ADCY8: variants seen among roughly 807,000 people sequenced by gnomAD.
ADCY8 encodes the protein adenylate cyclase type 8.
Under a neutral mutation model 119.7 loss-of-function variants are expected in ADCY8, and 51 were observed. The ratio of observed to expected loss-of-function variants is 0.43; its 90% CI spans 0.34 to 0.54. ADCY8 has a LOEUF of 0.54. Among genes scored for constraint, ADCY8 ranks in the 20% least tolerant of loss-of-function variants. ADCY8 has a pLI of 0.03. For missense variants in ADCY8, 1,383 were observed against 1,598.8 expected (o/e 0.87, Z 2.30); for synonymous variants, 665 against 651.0 (o/e 1.02, Z -0.33).
intron 8 of ADCY8, among the ~76,000 whole-genome samples, chr8:130,876,154 G>A (rs1314421907): frequency 6.6e-6 from 1 of 151,952 alleles, no homozygotes; most frequent in African/African-American, 2.4e-5. Context: ...AGGTTCAAGC[G>A]ATTCTTGTGC....
At position 130,907,502 on chromosome 8, in the gene ADCY8, A is replaced by G. The variant is rs114543104; in HGVS notation, c.1640+2206T>C. 8.1e-3 allele frequency among the ~76,000 whole-genome samples: 1,236 copies of G among 152,336 alleles called. 9 individuals are homozygous for G. The highest frequency in any genetic ancestry group is 0.028 in the African/African-American group (1,174 of 41,570). On this transcript the variant is annotated intron_variant, in intron 6 of 17. Transcript: ENST00000286355. ...AGAAGACTAGACTACGTGCTTTATAAGCACTATCATATTTGAAACTACATT... is the reference window on the plus strand; with the variant it reads ...AGAAGACTAGACTACGTGCTTTATAGGCACTATCATATTTGAAACTACATT...
chr8:130,889,115 T>C (rs1819094296), intron 7 of ADCY8, among the ~76,000 whole-genome samples: 1 of 152,134 alleles, frequency 6.6e-6, no homozygotes, highest in African/African-American at 2.4e-5. Flanking sequence ...ATTCACTCTT[T>C]CTCAAAAATG....
intron 1 of ADCY8, among the ~76,000 whole-genome samples, chr8:130,992,884 C>T (rs559489560): frequency 6.6e-6 from 1 of 152,184 alleles, no homozygotes; most frequent in African/African-American, 2.4e-5. Context: ...TATAAAGATA[C>T]ATATTTACAC....
chr8:130,830,176 C>T (rs1205762264), intron 12 of ADCY8, among the ~76,000 whole-genome samples: 1 of 152,050 alleles, frequency 6.6e-6, no homozygotes, highest in Non-Finnish European at 1.5e-5. Context: ...GAAAAGCAGC[C>T]CCAAATTATT....
chr8:130,926,514 C>T (rs149876984), intron 5 of ADCY8, among the ~76,000 whole-genome samples: 166 of 152,120 alleles, frequency 1.1e-3, no homozygotes, highest in African/African-American at 3.6e-3. Flanking sequence ...GCATACCACA[C>T]GAAGATTTGA....
chr8:130,804,758 G>GT (rs1483007468), intron 14 of ADCY8, among the ~76,000 whole-genome samples: 2 of 152,020 alleles, frequency 1.3e-5, no homozygotes, highest in Non-Finnish European at 2.9e-5. Context: ...TTTTGTTTTT[G>GT]TTTTTTGAGA....
At chr8:130,973,505 C>T (rs1051932360) in intron 2 of ADCY8, among the ~76,000 whole-genome samples, 3 of 152,244 alleles carry the variant, frequency 2.0e-5, no homozygotes, top group African/African-American at 7.2e-5. Flanking sequence ...TTCCAAAATA[C>T]TAGGCATGTG....
intron 15 of ADCY8, among the ~76,000 whole-genome samples, chr8:130,794,448 G>A (rs1012297922): frequency 4.6e-5 from 7 of 152,122 alleles, no homozygotes; most frequent in African/African-American, 1.7e-4. Context: ...GTTTCACTAT[G>A]TTGGCCAGAC....
intron 15 of ADCY8, among the ~76,000 whole-genome samples, chr8:130,786,196 T>TCCTGGAGC (rs1815243991): frequency 6.6e-6 from 1 of 152,232 alleles, no homozygotes; most frequent in African/African-American, 2.4e-5. Flanking sequence ...AATGTAATAT[T>TCCTGGAGC]CCTGGAGCAT....
At chr8:130,908,506 G>A (rs541124951) in intron 6 of ADCY8, among the ~76,000 whole-genome samples, 1 of 149,804 alleles carries the variant, frequency 6.7e-6, no homozygotes, top group South Asian at 2.1e-4. Context: ...TCCCTGCACA[G>A]TGTACAAAAA....
chr8:130,862,329 A>G (rs1179523863), intron 9 of ADCY8, among the ~76,000 whole-genome samples: 1 of 152,138 alleles, frequency 6.6e-6, no homozygotes, highest in Non-Finnish European at 1.5e-5. Context: ...TATGCATTTA[A>G]TGTAAATTTT....
intron 7 of ADCY8, among the ~76,000 whole-genome samples, chr8:130,888,052 A>T (rs1319991432): frequency 6.6e-6 from 1 of 152,140 alleles, no homozygotes; most frequent in African/African-American, 2.4e-5. Flanking sequence ...TAAAAATAGC[A>T]TAAGCTTCCA....
At chr8:131,021,897 T>C (rs1160654995) in intron 1 of ADCY8, among the ~76,000 whole-genome samples, 2 of 152,186 alleles carry the variant, frequency 1.3e-5, no homozygotes, top group African/African-American at 4.8e-5. Context: ...ACAACAAGTG[T>C]GTCCTCAAAT....
At chr8:130,883,917 T>C (rs1169017714) in intron 8 of ADCY8, among the ~76,000 whole-genome samples, 1 of 152,192 alleles carries the variant, frequency 6.6e-6, no homozygotes, top group East Asian at 1.9e-4. Context: ...TCATATTAAC[T>C]GTGAGGTAGG....
At chr8:130,847,371 G>A (rs1817363390) in intron 11 of ADCY8, 53 bp downstream of exon 11, 1 of 1,349,072 alleles carries the variant, frequency 7.4e-7, no homozygotes, top group Non-Finnish European at 1.1e-6. Context: ...TTTGGAGCTG[G>A]TAGAGATATA....
chr8:130,805,537 T>C (rs889284497), intron 14 of ADCY8, among the ~76,000 whole-genome samples: 8 of 151,908 alleles, frequency 5.3e-5, no homozygotes, highest in African/African-American at 1.7e-4. Context: ...CTGCTGGAGG[T>C]TGGAGAAGTG....
intron 13 of ADCY8, among the ~76,000 whole-genome samples, chr8:130,816,681 T>C (rs1260998701): frequency 6.6e-6 from 1 of 152,128 alleles, no homozygotes; most frequent in Admixed American, 6.5e-5. Context: ...TGCCTCTGCC[T>C]CCCAAAGTGC....
chr8:130,842,738 G>A (rs575566333), intron 11 of ADCY8, among the ~76,000 whole-genome samples: 2 of 151,988 alleles, frequency 1.3e-5, no homozygotes, highest in African/African-American at 2.4e-5. Context: ...TCGGTGTGTT[G>A]GTGCATGCCT....
intron 5 of ADCY8, among the ~76,000 whole-genome samples, chr8:130,916,596 T>C (rs538736453): frequency 3.9e-4 from 60 of 152,306 alleles, no homozygotes; most frequent in Non-Finnish European, 7.8e-4. Flanking sequence ...ATAATGGCCA[T>C]AACGCACAAG....
Sources: gnomAD v4.1 joint callset for allele counts (sites outside exome capture counted in the v4.1 genomes callset) on GRCh38, gnomAD v4.1.1 for gene constraint, MANE v1.5 for transcripts, NCBI Gene and HGNC (gene_info 2026-07-23, HGNC 2026-07-21) for gene names.